Variants in MYH13 observed in about 807,000 individuals in gnomAD.
The protein encoded by MYH13 is myosin-13.
MYH13 carries 177 observed loss-of-function variants against 232.1 expected under a neutral mutation model. The ratio of observed to expected loss-of-function variants is 0.76; its 90% CI spans 0.67 to 0.86. MYH13 has a LOEUF of 0.86. Among genes scored for constraint, MYH13 ranks in the 40% least tolerant of loss-of-function variants. The pLI is 0.00. For missense variants in MYH13, 2,246 were observed against 2,405.9 expected, an observed-to-expected ratio of 0.93 and a Z score of 1.39; for synonymous variants, 884 against 923.5, an observed-to-expected ratio of 0.96 and a Z score of 0.78.
chr17:10,363,439 G>A (rs893856569), intron 3 of MYH13, among the ~76,000 whole-genome samples: 3 of 152,114 alleles, frequency 2.0e-5, no homozygotes, highest in Non-Finnish European at 4.4e-5. Context: ...AAAGATAAAA[G>A]GAAGGAGTTT....
Position 10,313,162 on chromosome 17 carries a change from C to A in MYH13, c.4177G>T (p.Ala1393Ser), listed in dbSNP as rs1485458248. 6.2e-7 allele frequency: 1 copy of A among 1,614,018 alleles called. No individual in the cohort carries two copies. The highest frequency in any genetic ancestry group is 1.3e-5 in the African/African-American group (1 of 74,932). ...AIQRTEELEE[A>S]KKKLAQRLQE... The stretch of plus-strand genomic sequence containing the variant: ...TTGCCACCCTGGAGCCCCTACTTGG[C>A]CTCCTCCAGCTCCTCTGTGCGCTGA... The change falls in exon 30 of 41, where the codon GCC becomes TCC. Residue 1393 changes from alanine (A) to serine (S), a missense_variant. Ala to Ser is a moderately conservative substitution (Grantham distance 99). Coordinates refer to ENST00000252172, the MANE Select transcript of MYH13 (RefSeq NM_003802.3).
Position 10,306,908 on chromosome 17 carries a change from C to T in MYH13, c.5295+31G>A, listed in dbSNP as rs754568935. 1.9e-6 allele frequency: 3 copies of T among 1,611,740 alleles called. No individual in the cohort carries two copies. The highest frequency in any genetic ancestry group is 2.5e-6 in the Non-Finnish European group (3 of 1,179,764). On this transcript the variant is annotated intron_variant, in intron 36 of 40. Transcript: ENST00000252172. This position sits in a 1 kb window ranked among gnomAD's most constrained non-coding sequence, Gnocchi z 4.3. ...AGGCCCCACTTTCTCAGTTCCAAACCCCATCTCTGAAAAGGAAGAACAGAG... is the reference window on the plus strand; with the variant it reads ...AGGCCCCACTTTCTCAGTTCCAAACTCCATCTCTGAAAAGGAAGAACAGAG...
rs547167896 is a variant in MYH13, at chr17:10,363,570, T to C, written c.204+757A>G. On this transcript the variant is annotated intron_variant, in intron 3 of 40. Transcript: ENST00000252172. Reference sequence around the variant, plus strand: ...GGGAGGTAGAAAAGTCTATGTATCCTGAATCTTTAAGGACTGGGACTTGTT... The same window carrying C: ...GGGAGGTAGAAAAGTCTATGTATCCCGAATCTTTAAGGACTGGGACTTGTT... 2.6e-5 allele frequency among the ~76,000 whole-genome samples: 4 copies of C among 152,228 alleles called. No homozygotes were observed. The South Asian group carries it at 8.3e-4, about 32-fold the overall frequency.
At position 10,318,702 on chromosome 17, in the gene MYH13, G is replaced by T. The variant is rs551170906; in HGVS notation, c.3738+88C>A. 4 of 1,538,712 alleles carry T rather than the reference G, an allele frequency of 2.6e-6. No homozygotes were observed. The East Asian group carries it at 6.7e-5, about 26-fold the overall frequency. On this transcript the variant is annotated intron_variant, in intron 27 of 40. Transcript: ENST00000252172. The stretch of plus-strand genomic sequence containing the variant: ...GGGTTTCAGTGTAGAACATGCAGTG[G>T]TTTGGAGGCATCAAATTACACGTGC...
At chr17:10,342,412 A>G (rs1250381760) in intron 16 of MYH13, among the ~76,000 whole-genome samples, 2 of 152,110 alleles carry the variant, frequency 1.3e-5, no homozygotes, top group East Asian at 3.8e-4. Context: ...TTTTGAACAC[A>G]GTTATCATAT....
intron 23 of MYH13, among the ~76,000 whole-genome samples, 191 bp downstream of exon 23, chr17:10,323,831 A>AGAAGAAGAAGAAGAAGAAG (rs1555549901): frequency 7.0e-6 from 1 of 141,988 alleles, no homozygotes; most frequent in Admixed American, 7.1e-5. Context: ...AAGAAGAAGA[A>AGAAGAAGAAGAAGAAGAAG]GAGTCTATGG....
intron 13 of MYH13, among the ~76,000 whole-genome samples, chr17:10,345,991 CAAAAAAAA>C (rs1211414796): frequency 7.8e-4 from 65 of 83,056 alleles, no homozygotes; most frequent in African/African-American, 3.7e-3. Flanking sequence ...GACTCTGTCT[CAAAAAAAA>C]AAAAAAAAAA....
chr17:10,345,211 G>A lies in MYH13; in HGVS notation c.1575C>T (p.Leu525=). Residue 525 remains leucine, a synonymous_variant, in exon 15 of 41, where the codon CTC becomes CTT. Coordinates refer to ENST00000252172, the MANE Select transcript of MYH13 (RefSeq NM_003802.3). ...FGMDLAACIE[L]IEKPMGIFSI... is the part of the protein sequence containing the mutation. ...AGCAGTATCTCTCTACCTTCTCGAT[G>A]AGCTCGATGCAGGCAGCCAGGTCCA... is the stretch of plus-strand genomic sequence containing the variant. The A allele has an allele frequency of 1.2e-6, 2 of 1,614,120 alleles. No individual in the cohort carries two copies. The highest frequency in any genetic ancestry group is 1.7e-6 in the Non-Finnish European group (2 of 1,179,972).
chr17:10,336,940 A>T (rs1425927382), intron 18 of MYH13, among the ~76,000 whole-genome samples: 1 of 147,616 alleles, frequency 6.8e-6, no homozygotes, highest in Non-Finnish European at 1.5e-5. Flanking sequence ...TTTTTTGAGA[A>T]GGAGTCTCCC....
rs1263784069 is a variant in MYH13 at position 10,306,977 on chromosome 17, T to C, written c.5257A>G (p.Arg1753Gly). The change falls in exon 36 of 41, where the codon AGG becomes GGG. Residue 1753 changes from arginine (R) to glycine (G), a missense_variant. Coordinates refer to ENST00000252172, the MANE Select transcript of MYH13 (RefSeq NM_003802.3). This position sits in a 1 kb window ranked among gnomAD's most constrained non-coding sequence, Gnocchi z 4.3. ...AEVENSIQES[R>G]NAEEKAKKAI... ...TTCTTGGCCTTCTCCTCTGCGTTCC[T>C]GGACTCCTGGATCGAGTTCTCCACC... 2.5e-6 allele frequency: 4 copies of C among 1,613,918 alleles called. No individual in the cohort carries two copies. Among genetic ancestry groups the C allele is most frequent in the Non-Finnish European group, 1.7e-6 (2 of 1,179,944 alleles).
chr17:10,361,353 G>A (rs560566717), intron 5 of MYH13, among the ~76,000 whole-genome samples: 67 of 150,722 alleles, frequency 4.4e-4, no homozygotes, highest in African/African-American at 1.6e-3. Flanking sequence ...GTGCAGTGGC[G>A]AGATCTCAGC....
chr17:10,367,425 T>C (rs887497099), intron 2 of MYH13, among the ~76,000 whole-genome samples: 2 of 152,204 alleles, frequency 1.3e-5, no homozygotes, highest in East Asian at 3.8e-4. Flanking sequence ...CTCAGCTCAC[T>C]GCAACCTCCA....
chr17:10,333,377 A>G (rs1331627366), intron 18 of MYH13, among the ~76,000 whole-genome samples, 186 bp from the exon 19 acceptor site: 1 of 152,150 alleles, frequency 6.6e-6, no homozygotes, highest in Non-Finnish European at 1.5e-5. Flanking sequence ...CCCGCAGTGA[A>G]ATAATCCCAC....
At chr17:10,370,668 A>G (rs2071871295) in intron 2 of MYH13, among the ~76,000 whole-genome samples, 3 of 152,204 alleles carry the variant, frequency 2.0e-5, no homozygotes, top group South Asian at 2.1e-4. Context: ...CTTGTCAGCA[A>G]TGATGTGCTC....
At chr17:10,356,208 A>G (rs1213615105) in intron 8 of MYH13, among the ~76,000 whole-genome samples, 2 of 152,180 alleles carry the variant, frequency 1.3e-5, no homozygotes, top group African/African-American at 2.4e-5. Context: ...TATTTTCTGA[A>G]TGAACCCCAG....
intron 39 of MYH13, among the ~76,000 whole-genome samples, chr17:10,302,963 A>T (rs1385142668): frequency 1.3e-5 from 2 of 151,636 alleles, no homozygotes; most frequent in African/African-American, 4.8e-5. Flanking sequence ...GATGAAGGGG[A>T]TGGAGGGGGC....
At chr17:10,352,909 T>C (rs1247370139) in intron 11 of MYH13, among the ~76,000 whole-genome samples, 2 of 152,182 alleles carry the variant, frequency 1.3e-5, no homozygotes, top group Non-Finnish European at 2.9e-5. Flanking sequence ...TAAGAGTATA[T>C]TCTTGTAACA....
intron 18 of MYH13, among the ~76,000 whole-genome samples, chr17:10,334,261 G>A (rs1178839422): frequency 1.3e-5 from 2 of 152,152 alleles, no homozygotes; most frequent in African/African-American, 4.8e-5. Flanking sequence ...TTAACCTTAG[G>A]GAAGCTTCTA....
rs1907273662 is a variant in MYH13, at chr17:10,327,976, C to G, written c.2581G>C (p.Glu861Gln). The change falls in exon 22 of 41, where the codon GAG (glutamate) becomes CAG (glutamine). Residue 861 changes from glutamate to glutamine, a missense_variant. Coordinates refer to ENST00000252172, the MANE Select transcript of MYH13 (RefSeq NM_003802.3). ...CGGGCCAGTTCTTCCTTGGTCCTCT[C>G]AAAGTCTTCCTTCATGGTGGCCATC... ...KEMATMKEDFERTKEELARSE... is the reference protein window; with the variant it reads ...KEMATMKEDFQRTKEELARSE... 1 of 1,614,142 alleles carries G rather than the reference C, an allele frequency of 6.2e-7. No homozygotes were observed.
Sources: gnomAD v4.1 joint callset for allele counts (sites outside exome capture counted in the v4.1 genomes callset) on GRCh38, gnomAD v4.1.1 for gene constraint, Gnocchi (gnomAD v3.1) non-coding constraint, MANE v1.5 for transcripts, NCBI Gene and HGNC (gene_info 2026-07-23, HGNC 2026-07-21) for gene names.